Variants in MARCHF1 observed in about 807,000 individuals in gnomAD.
The protein encoded by MARCHF1 is E3 ubiquitin-protein ligase MARCHF1.
In MARCHF1, 40 loss-of-function variants were observed where a neutral mutation model predicts 54.2. The observed-to-expected ratio is 0.74, with a 90% CI of 0.57 to 0.96. MARCHF1 has a LOEUF of 0.96. Among genes scored for constraint, MARCHF1 ranks in the 40% least tolerant of loss-of-function variants. The pLI is 0.00. For missense variants in MARCHF1, 586 were observed against 656.5 expected (o/e 0.89, Z 1.17); for synonymous variants, 236 against 236.3 (o/e 1.00, Z 0.01).
At chr4:164,075,286 T>A (rs80014999) in intron 2 of MARCHF1, among the ~76,000 whole-genome samples, 1 of 152,220 alleles carries the variant, frequency 6.6e-6, no homozygotes, top group Non-Finnish European at 1.5e-5. Context: ...CACCCTTTTG[T>A]CATGTAGTGA....
At chr4:163,774,753 C>T (rs1747258147) in intron 4 of MARCHF1, among the ~76,000 whole-genome samples, 1 of 152,110 alleles carries the variant, frequency 6.6e-6, no homozygotes, top group East Asian at 1.9e-4. Context: ...ACCTCAGCCT[C>T]CCAAAATGCT....
chr4:163,808,240 T>C (rs768670876), intron 4 of MARCHF1, among the ~76,000 whole-genome samples: 3 of 152,198 alleles, frequency 2.0e-5, no homozygotes, highest in Admixed American at 6.5e-5. Context: ...ACTAATCACA[T>C]GCTGTCTGGA....
At chr4:163,791,790 G>A (rs1375853699) in intron 4 of MARCHF1, among the ~76,000 whole-genome samples, 3 of 151,988 alleles carry the variant, frequency 2.0e-5, no homozygotes, top group African/African-American at 7.2e-5. Context: ...ACTCTTCCTT[G>A]TACCCTGCTG....
At chr4:164,193,115 AC>A (rs1255424514) in intron 1 of MARCHF1, among the ~76,000 whole-genome samples, 1 of 152,030 alleles carries the variant, frequency 6.6e-6, no homozygotes, top group Non-Finnish European at 1.5e-5. Context: ...AGCTTATTTG[AC>A]CTCTGAAGGA....
At chr4:163,727,309 T>C (rs1320487561) in intron 4 of MARCHF1, among the ~76,000 whole-genome samples, 1 of 133,766 alleles carries the variant, frequency 7.5e-6, no homozygotes, top group Admixed American at 8.0e-5. Context: ...TCATTTCTTT[T>C]TTTTCTTTTT....
intron 1 of MARCHF1, among the ~76,000 whole-genome samples, chr4:164,193,142 T>C (rs914712793): frequency 6.6e-6 from 1 of 152,116 alleles, no homozygotes; most frequent in African/African-American, 2.4e-5. Flanking sequence ...AGCTTCATTA[T>C]TATCCAATTT....
Position 164,349,051 on chromosome 4 carries a change from G to C in MARCHF1, c.-323+34819C>G, listed in dbSNP as rs151092444. Among the ~76,000 whole-genome samples, 84 of 152,208 alleles carry C rather than the reference G, an allele frequency of 5.5e-4. 1 individual carries two copies. In the East Asian group the frequency reaches 0.015, roughly 27 times the overall value. On this transcript the variant is annotated intron_variant, in intron 1 of 9. Transcript: ENST00000514618. ...TTACTTTTCCCACCAGATGGAAATGGTACTGATGCACACAGAACAGGGTCG... is the reference window on the plus strand; with the variant it reads ...TTACTTTTCCCACCAGATGGAAATGCTACTGATGCACACAGAACAGGGTCG...
intron 8 of MARCHF1, among the ~76,000 whole-genome samples, chr4:163,576,941 TGTATGTC>T (rs1740059610): frequency 6.6e-6 from 1 of 152,148 alleles, no homozygotes; most frequent in Admixed American, 6.5e-5. Flanking sequence ...TTTGAGCCTA[TGTATGTC>T]GTTACATGTG....
At chr4:163,675,261 CT>C (rs1197308873) in intron 5 of MARCHF1, among the ~76,000 whole-genome samples, 2 of 152,184 alleles carry the variant, frequency 1.3e-5, no homozygotes, top group East Asian at 3.8e-4. Flanking sequence ...AAATATCCAG[CT>C]GGATAATTCC....
At chr4:164,358,581 G>T (rs1015262370) in intron 1 of MARCHF1, among the ~76,000 whole-genome samples, 5 of 152,168 alleles carry the variant, frequency 3.3e-5, no homozygotes, top group Admixed American at 3.3e-4. Context: ...AGAATGAAGA[G>T]AAAGTGAAAG....
chr4:164,118,944 A>G (rs1755998316), intron 1 of MARCHF1, among the ~76,000 whole-genome samples: 1 of 72,484 alleles, frequency 1.4e-5, no homozygotes, highest in Non-Finnish European at 4.6e-5. Flanking sequence ...AATAAATTGA[A>G]TGAAAAAAAT....
At chr4:163,671,568 T>C (rs576914105) in intron 5 of MARCHF1, among the ~76,000 whole-genome samples, 26 of 152,346 alleles carry the variant, frequency 1.7e-4, no homozygotes, top group South Asian at 1.4e-3. Context: ...TAAGTAGTGA[T>C]GGAGTGGGTC....
chr4:164,296,288 T>C (rs1229682060), intron 1 of MARCHF1, among the ~76,000 whole-genome samples: 2 of 152,202 alleles, frequency 1.3e-5, no homozygotes, highest in African/African-American at 4.8e-5. Flanking sequence ...ACATCTGTGA[T>C]AGCTGTTAAT....
chr4:164,159,967 C>G (rs937900023), intron 1 of MARCHF1, among the ~76,000 whole-genome samples: 7 of 152,224 alleles, frequency 4.6e-5, no homozygotes, highest in Admixed American at 4.6e-4. Flanking sequence ...GAAACCACCA[C>G]TTATGCCTTT....
Position 163,790,392 on chromosome 4 carries a change from G to A in MARCHF1, c.111+63629C>T, listed in dbSNP as rs139741410. Among the ~76,000 whole-genome samples the A allele has an allele frequency of 3.9e-5, 6 of 152,128 alleles. No individual in the cohort carries two copies. The East Asian group carries it at 1.2e-3, about 29-fold the overall frequency. On this transcript the variant is annotated intron_variant, in intron 4 of 9. Coordinates refer to ENST00000514618, the MANE Select transcript of MARCHF1 (RefSeq NM_001394959.1). Reference sequence around the variant, plus strand: ...ACTAACCACTTGATAGAAGGAAAATGCTGAAATGACAAAAATCTGACTTCC... The same window carrying A: ...ACTAACCACTTGATAGAAGGAAAATACTGAAATGACAAAAATCTGACTTCC...
At chr4:164,160,312 T>G (rs1253619984) in intron 1 of MARCHF1, among the ~76,000 whole-genome samples, 1 of 152,150 alleles carries the variant, frequency 6.6e-6, no homozygotes, top group African/African-American at 2.4e-5. Context: ...CTATTCCTCC[T>G]AGGTTACAAA....
intron 1 of MARCHF1, among the ~76,000 whole-genome samples, chr4:164,368,940 C>G (rs1393505318): frequency 6.6e-6 from 1 of 152,184 alleles, no homozygotes; most frequent in Non-Finnish European, 1.5e-5. Flanking sequence ...CTATTAGACA[C>G]GGAAACTTTA....
At chr4:164,201,289 G>A (rs1443829345) in intron 1 of MARCHF1, among the ~76,000 whole-genome samples, 1 of 152,016 alleles carries the variant, frequency 6.6e-6, no homozygotes, top group East Asian at 1.9e-4. Context: ...GTGCGATCTC[G>A]GCTCACTGCA....
At chr4:163,868,993 C>G (rs1750113118) in intron 3 of MARCHF1, among the ~76,000 whole-genome samples, 2 of 147,658 alleles carry the variant, frequency 1.4e-5, no homozygotes, top group Admixed American at 6.8e-5. Context: ...TTTAATAGAC[C>G]ATTTACAATG....
Sources: allele counts gnomAD v4.1 joint callset (sites outside exome capture counted in the v4.1 genomes callset), GRCh38; gene constraint gnomAD v4.1.1; transcripts MANE v1.5; gene names NCBI Gene and HGNC (gene_info 2026-07-23, HGNC 2026-07-21).